POU6F2: variants seen among roughly 807,000 people sequenced by gnomAD.
The protein encoded by POU6F2 is POU class 6 homeobox 2, also known as POU domain, class 6, transcription factor 2.
Under a neutral mutation model 71.3 loss-of-function variants are expected in POU6F2, and 31 were observed. The observed-to-expected ratio is 0.43, with a 90% CI of 0.33 to 0.59. The LOEUF (loss-of-function observed/expected upper bound fraction) is 0.59. POU6F2 is among the 20% of genes least tolerant of loss of function. The pLI, the probability that POU6F2 is intolerant of heterozygous loss-of-function variation, is 0.04. For synonymous variants in POU6F2, 347 were observed against 355.7 expected, an observed-to-expected ratio of 0.98 and a Z score of 0.27; for missense variants, 783 against 856.8, an observed-to-expected ratio of 0.91 and a Z score of 1.07.
At chr7:39,059,211 A>T (rs1280020088) in intron 1 of POU6F2, among the ~76,000 whole-genome samples, 1 of 152,164 alleles carries the variant, frequency 6.6e-6, no homozygotes, top group African/African-American at 2.4e-5. Context: ...CGTAAGCTTC[A>T]AAGAAGAGAA....
chr7:39,147,718 G>C (rs1412036632), intron 2 of POU6F2, among the ~76,000 whole-genome samples: 1 of 152,164 alleles, frequency 6.6e-6, no homozygotes, highest in East Asian at 1.9e-4. Context: ...AACATGGGAT[G>C]CTCTGGAAAT....
chr7:39,072,296 C>T (rs1424106893), intron 1 of POU6F2, among the ~76,000 whole-genome samples: 1 of 152,142 alleles, frequency 6.6e-6, no homozygotes, highest in Non-Finnish European at 1.5e-5. Flanking sequence ...GGCACAGGTA[C>T]ATCAGTTCAT....
intron 4 of POU6F2, among the ~76,000 whole-genome samples, chr7:39,249,295 C>T (rs1354718424): frequency 6.6e-6 from 1 of 152,234 alleles, no homozygotes; most frequent in Non-Finnish European, 1.5e-5. Context: ...TAACCCTCCA[C>T]TTAACAGATG....
At chr7:39,289,514 G>A (rs1784709932) in intron 4 of POU6F2, among the ~76,000 whole-genome samples, 1 of 151,792 alleles carries the variant, frequency 6.6e-6, no homozygotes, top group African/African-American at 2.4e-5. Flanking sequence ...AAATTGTCAA[G>A]GTCTTTTAGT....
intron 1 of POU6F2, among the ~76,000 whole-genome samples, chr7:39,007,306 T>A (rs911562477): frequency 6.6e-6 from 1 of 152,206 alleles, no homozygotes; most frequent in African/African-American, 2.4e-5. Flanking sequence ...CACTTCTATT[T>A]CGAGATATCT....
intron 2 of POU6F2, among the ~76,000 whole-genome samples, chr7:39,149,462 T>C (rs940505401): frequency 1.3e-5 from 2 of 152,214 alleles, no homozygotes; most frequent in African/African-American, 4.8e-5. Flanking sequence ...GATAGTGAAA[T>C]GGCTGCTGTA....
intron 8 of POU6F2, among the ~76,000 whole-genome samples, chr7:39,454,811 G>A (rs976829654): frequency 4.1e-5 from 6 of 147,076 alleles, no homozygotes; most frequent in Non-Finnish European, 6.0e-5. Flanking sequence ...CCTCCACGTC[G>A]TTGTCAAAGA....
At position 39,268,679 on chromosome 7, in the gene POU6F2, G is replaced by A. The variant is rs1299586306; in HGVS notation, c.598+61059G>A. Among the ~76,000 whole-genome samples, 3 of 152,276 alleles carry A rather than the reference G, an allele frequency of 2.0e-5. No individual in the cohort carries two copies. In the East Asian group the frequency reaches 5.8e-4, roughly 29 times the overall value. ...GTCCTGCCAGACACTCACGCTCATG[G>A]AAAAATCTTTCTATGATGATGTGAG... is the stretch of plus-strand genomic sequence containing the variant. On this transcript the variant is annotated intron_variant, in intron 4 of 9. Transcript: ENST00000518318.
At chr7:39,385,356 CA>C (rs1256786913) in intron 5 of POU6F2, among the ~76,000 whole-genome samples, 1 of 152,178 alleles carries the variant, frequency 6.6e-6, no homozygotes, top group African/African-American at 2.4e-5. Flanking sequence ...CGTTCAGCAC[CA>C]GGGGCAGAGG....
At chr7:39,390,091 C>T (rs1446122604) in intron 5 of POU6F2, among the ~76,000 whole-genome samples, 2 of 152,108 alleles carry the variant, frequency 1.3e-5, no homozygotes, top group African/African-American at 4.8e-5. Flanking sequence ...CGATCATGCT[C>T]ACTTAGTGAT....
chr7:39,182,760 C>G (rs1473371661), intron 2 of POU6F2, among the ~76,000 whole-genome samples: 1 of 152,144 alleles, frequency 6.6e-6, no homozygotes, highest in Non-Finnish European at 1.5e-5. Context: ...TTCCTGAGAG[C>G]TCATCCATTC....
chr7:39,004,899 G>A (rs1044736398), intron 1 of POU6F2, among the ~76,000 whole-genome samples: 3 of 152,174 alleles, frequency 2.0e-5, no homozygotes, highest in Non-Finnish European at 4.4e-5. Flanking sequence ...ATTCTAACAT[G>A]TGAAAAGACA....
rs1268259115 is a variant in POU6F2 at position 39,466,759 on chromosome 7, T to C, written c.*2073T>C. ...GAATCCTGGAAGTGGAACAAGTCAC[T>C]CGTAAAGGTGTTTCCATTTTACCAG... On this transcript the variant is annotated 3_prime_UTR_variant, in exon 10 of 10. Coordinates refer to ENST00000518318, the MANE Select transcript of POU6F2 (RefSeq NM_001370959.1). 1 of 152,216 alleles carries C rather than the reference T, an allele frequency of 6.6e-6. No homozygotes were observed. The highest frequency in any genetic ancestry group is 2.4e-5 in the African/African-American group (1 of 41,460). The allele number at this position is 152,216 out of a possible 1,614,324, so 9.4% of individuals were successfully genotyped here.
In POU6F2 at chr7:39,247,531, C is replaced by T. The variant is rs796572026; in HGVS notation, c.598+39911C>T. Among the ~76,000 whole-genome samples, 10 of 148,250 alleles carry T rather than the reference C, an allele frequency of 6.7e-5. 1 individual carries two copies. The highest frequency in any genetic ancestry group is 2.2e-4 in the African/African-American group (9 of 40,262). ...GAAAGCAAGCAAGCAAACAAGTAAG[C>T]GGAGGCTCAAGAAGTTTTCTTAGTG... On this transcript the variant is annotated intron_variant, in intron 4 of 9. Transcript: ENST00000518318.
chr7:39,124,930 G>C (rs1399242857), intron 2 of POU6F2, among the ~76,000 whole-genome samples: 2 of 151,998 alleles, frequency 1.3e-5, no homozygotes, highest in Non-Finnish European at 2.9e-5. Context: ...TGTGGAGGAA[G>C]GCCAAGTTTA....
chr7:39,290,679 C>T (rs867323483), intron 4 of POU6F2, among the ~76,000 whole-genome samples: 2 of 152,304 alleles, frequency 1.3e-5, no homozygotes, highest in Non-Finnish European at 1.5e-5. Flanking sequence ...GACCATGTGT[C>T]AATCTTACAA....
intron 5 of POU6F2, among the ~76,000 whole-genome samples, chr7:39,400,876 A>G (rs182583035): frequency 1.1e-3 from 175 of 152,322 alleles, no homozygotes; most frequent in Non-Finnish European, 2.2e-3. Context: ...TAGTTCAGCT[A>G]AAGATGAGGT....
chr7:38,988,840 C>G (rs1355064553), intron 1 of POU6F2, among the ~76,000 whole-genome samples: 1 of 152,146 alleles, frequency 6.6e-6, no homozygotes, highest in Admixed American at 6.5e-5. Context: ...CAAAATCACA[C>G]AATTGAAACA....
chr7:39,388,943 G>C (rs4623320), intron 5 of POU6F2, among the ~76,000 whole-genome samples: 48,965 of 152,002 alleles, frequency 0.32, 8,115 homozygotes, highest in East Asian at 0.52. Flanking sequence ...AAAAGTTTTT[G>C]AAATGGAATG....
Sources: allele counts gnomAD v4.1 joint callset (sites outside exome capture counted in the v4.1 genomes callset), GRCh38; gene constraint gnomAD v4.1.1; transcripts MANE v1.5; gene names NCBI Gene and HGNC (gene_info 2026-07-23, HGNC 2026-07-21).